The following SRD5A2 variants were observed in gnomAD, a reference collection of about 807,000 sequenced individuals.
The protein encoded by SRD5A2 is steroid 5 alpha-reductase 2, also known as 3-oxo-5-alpha-steroid 4-dehydrogenase 2.
Under a neutral mutation model 27.4 loss-of-function variants are expected in SRD5A2, and 30 were observed. That is an observed-to-expected ratio of 1.10 (90% CI 0.82 to 1.49). SRD5A2 has a LOEUF of 1.49. SRD5A2 is among the 40% of genes most tolerant of loss of function. SRD5A2 has a pLI of 0.00. For synonymous variants in SRD5A2, 141 were observed against 133.6 expected (o/e 1.06, Z -0.38); for missense variants, 348 against 323.4 (o/e 1.08, Z -0.58).
intron 1 of SRD5A2, among the ~76,000 whole-genome samples, chr2:31,577,673 C>T (rs762343949): frequency 2.6e-5 from 4 of 152,156 alleles, no homozygotes; most frequent in Non-Finnish European, 4.4e-5. Flanking sequence ...CCTGTCTCTC[C>T]GTCTTATTCT....
At chr2:31,589,119 C>A in the SRD5A2 span, among the ~76,000 whole-genome samples, 2 of 152,162 alleles carry the variant, frequency 1.3e-5, no homozygotes, top group Admixed American at 6.5e-5. Flanking sequence ...AAATCCAGAT[C>A]ACAGGAGAAG....
chr2:31,558,062 T>C lies in SRD5A2; in HGVS notation c.281+22558A>G, dbSNP rs551253188. Reference sequence around the variant, plus strand: ...AGCTTTTTAGCCATGGAGCATTTTCTTCAATGGAAATCTTACTTGGAAGGC... The same window carrying C: ...AGCTTTTTAGCCATGGAGCATTTTCCTCAATGGAAATCTTACTTGGAAGGC... On this transcript the variant is annotated intron_variant, in intron 1 of 4. Coordinates refer to ENST00000622030, the MANE Select transcript of SRD5A2 (RefSeq NM_000348.4). Among the ~76,000 whole-genome samples, 3 of 152,328 alleles carry C rather than the reference T, an allele frequency of 2.0e-5. No homozygotes were observed. In the East Asian group the frequency reaches 5.8e-4, roughly 29 times the overall value.
At chr2:31,529,215 CTT>C in intron 4 of SRD5A2, 90 bp downstream of exon 4, 1 of 1,513,092 alleles carries the variant, frequency 6.6e-7, no homozygotes, top group South Asian at 1.3e-5. Context: ...AATTAAATAT[CTT>C]CGGTTTCTCA....
the SRD5A2 span, among the ~76,000 whole-genome samples, chr2:31,590,712 G>A: frequency 3.3e-5 from 5 of 152,256 alleles, no homozygotes; most frequent in African/African-American, 9.6e-5. Flanking sequence ...AAACAGCATG[G>A]TACTGGTACC....
chr2:31,551,348 G>A (rs1176194912), intron 1 of SRD5A2, among the ~76,000 whole-genome samples: 2 of 151,994 alleles, frequency 1.3e-5, no homozygotes, highest in Non-Finnish European at 2.9e-5. Context: ...ATTCTAAAAT[G>A]TACACATGCT....
intron 1 of SRD5A2, among the ~76,000 whole-genome samples, chr2:31,534,379 G>T (rs556453114): frequency 6.6e-6 from 1 of 152,184 alleles, no homozygotes; most frequent in African/African-American, 2.4e-5. Flanking sequence ...ACTCATTGTG[G>T]GGTTTCTTCA....
chr2:31,659,944 T>C, the SRD5A2 span, among the ~76,000 whole-genome samples: 1 of 152,144 alleles, frequency 6.6e-6, no homozygotes, highest in African/African-American at 2.4e-5. Context: ...TATGTTTCAT[T>C]TGTGTTAGTT....
chr2:31,624,515 C>G, the SRD5A2 span, among the ~76,000 whole-genome samples: 2 of 151,958 alleles, frequency 1.3e-5, no homozygotes, highest in Non-Finnish European at 2.9e-5. Flanking sequence ...CTTCCCCTCT[C>G]CCCCCACCCC....
At position 31,580,890 on chromosome 2, in the gene SRD5A2, T is replaced by C; in HGVS notation, c.11A>G (p.Gln4Arg). 1.2e-6 allele frequency: 2 copies of C among 1,600,738 alleles called. No homozygotes were observed. The highest frequency in any genetic ancestry group is 1.7e-6 in the Non-Finnish European group (2 of 1,172,502). The change falls in exon 1 of 5, where the codon CAG becomes CGG. Residue 4 changes from glutamine to arginine, a missense_variant. Physicochemically the swap from Gln to Arg is conservative, Grantham distance 43. Coordinates refer to ENST00000622030, the MANE Select transcript of SRD5A2 (RefSeq NM_000348.4). ...TGCCAGCACTGGGCTCTGCTGGCAC[T>C]GAACCTGCATCGCGCCGTGTTCCTC... Reference protein sequence around the residue: MQVQCQQSPVLAGS... With the variant: MQVRCQQSPVLAGS...
In SRD5A2 at chr2:31,580,751, G is replaced by T; in HGVS notation, c.150C>A (p.Arg50=). The stretch of plus-strand genomic sequence containing the variant: ...GCAGCTCCTGCAGGAACCAGGCGGC[G>T]CGGGCTGGCAGGCGGGTAGCCGCCG... ...LKPAATRLPA[R]AAWFLQELPS... The change falls in exon 1 of 5, where the codon CGC becomes CGA. Residue 50 remains arginine (R), a synonymous_variant. Coordinates refer to ENST00000622030, the MANE Select transcript of SRD5A2 (RefSeq NM_000348.4). The T allele has an allele frequency of 6.2e-7, 1 of 1,610,412 alleles. No homozygotes were observed. Among genetic ancestry groups the T allele is most frequent in the Non-Finnish European group, 8.5e-7 (1 of 1,179,616 alleles).
At chr2:31,634,935 T>A in the SRD5A2 span, among the ~76,000 whole-genome samples, 1 of 152,186 alleles carries the variant, frequency 6.6e-6, no homozygotes, top group African/African-American at 2.4e-5. Context: ...CACTCATTCA[T>A]TGATGGACAC....
At chr2:31,601,515 G>A in the SRD5A2 span, among the ~76,000 whole-genome samples, 12 of 151,992 alleles carry the variant, frequency 7.9e-5, no homozygotes, top group East Asian at 1.9e-4. Flanking sequence ...CATTTCTACT[G>A]AAATTGTTCC....
chr2:31,632,515 G>A, the SRD5A2 span, among the ~76,000 whole-genome samples: 15 of 152,288 alleles, frequency 9.8e-5, no homozygotes, highest in South Asian at 1.2e-3. Context: ...GAGGGTGCCC[G>A]GGGCAAGTGC....
chr2:31,657,939 G>A, the SRD5A2 span, among the ~76,000 whole-genome samples: 2 of 151,926 alleles, frequency 1.3e-5, no homozygotes, highest in Non-Finnish European at 2.9e-5. Context: ...ATCATCTCTA[G>A]AAGAAAAAAG....
the SRD5A2 span, among the ~76,000 whole-genome samples, chr2:31,632,597 C>A: frequency 3.3e-4 from 51 of 152,264 alleles, no homozygotes; most frequent in African/African-American, 1.2e-3. Context: ...TAACTGTCTC[C>A]TGGACACTGG....
the SRD5A2 span, among the ~76,000 whole-genome samples, chr2:31,656,186 C>A: frequency 2.6e-5 from 4 of 152,178 alleles, no homozygotes; most frequent in Non-Finnish European, 5.9e-5. Flanking sequence ...ATCTGTTGGA[C>A]ACAAGCAATG....
At position 31,567,433 on chromosome 2, in the gene SRD5A2, G is replaced by GGTGTGTGT. The variant is rs557711508; in HGVS notation, c.281+13179_281+13186dup. On this transcript the variant is annotated intron_variant, in intron 1 of 4. Coordinates refer to ENST00000622030, the MANE Select transcript of SRD5A2 (RefSeq NM_000348.4). ...TGAACCTATTTAAAGGGTGCAATTTGGTGTGTGTGTGTGTGTGTGTGTGTA... is the reference window on the plus strand; with the variant it reads ...TGAACCTATTTAAAGGGTGCAATTTGGTGTGTGTGTGTGTGTGTGTGTGTGTGTGTGTA... Among the ~76,000 whole-genome samples the GGTGTGTGT allele has an allele frequency of 2.3e-4, 33 of 145,530 alleles. No homozygotes were observed. The South Asian group carries it at 3.1e-3, about 14-fold the overall frequency.
At position 31,526,156 on chromosome 2, in the gene SRD5A2, C is replaced by G; in HGVS notation, c.*40G>C. On this transcript the variant is annotated 3_prime_UTR_variant, in exon 5 of 5. Transcript: ENST00000622030. ...GTTTCAGCAGCTTGACAGTTTTCATCAGCATTGTGGGAGCTCTGCTCCTTT... is the reference window on the plus strand; with the variant it reads ...GTTTCAGCAGCTTGACAGTTTTCATGAGCATTGTGGGAGCTCTGCTCCTTT... 7.6e-7 allele frequency: 1 copy of G among 1,315,892 alleles called. No individual in the cohort carries two copies. Among genetic ancestry groups the G allele is most frequent in the Admixed American group, 2.0e-5 (1 of 50,942 alleles). 81.5% of individuals were successfully genotyped at this position (1,315,892 alleles called of 1,614,324 possible).
At chr2:31,637,472 C>T in the SRD5A2 span, among the ~76,000 whole-genome samples, 1 of 152,082 alleles carries the variant, frequency 6.6e-6, no homozygotes, top group Non-Finnish European at 1.5e-5. Context: ...TTATAAATGT[C>T]ATGGCAACAA....
Sources: allele counts gnomAD v4.1 joint callset (sites outside exome capture counted in the v4.1 genomes callset), GRCh38; gene constraint gnomAD v4.1.1; transcripts MANE v1.5; gene names NCBI Gene and HGNC (gene_info 2026-07-23, HGNC 2026-07-21).